Variants in CNTRL observed in about 807,000 individuals in gnomAD.
CNTRL encodes centriolin.
A neutral mutation model predicts 303.7 loss-of-function variants in CNTRL; 233 were observed. The ratio of observed to expected loss-of-function variants is 0.77; its 90% CI spans 0.69 to 0.86. The LOEUF (loss-of-function observed/expected upper bound fraction) is 0.86, where lower values mean the gene tolerates loss of function less well. Ranked by LOEUF, CNTRL falls within the 40% of genes least tolerant of loss-of-function variation. The probability of loss-of-function intolerance (pLI) is 0.00; values close to 1 mark genes in which losing one functional copy is unlikely to be tolerated. For synonymous variants in CNTRL, 900 were observed against 922.2 expected (o/e 0.98, Z 0.44); for missense variants, 2,524 against 2,650.6 (o/e 0.95, Z 1.05).
In CNTRL at chr9:121,088,504, G is replaced by C. The variant is rs751778364; in HGVS notation, c.178G>C (p.Asp60His). The change falls in exon 3 of 44, where the codon GAT becomes CAT. Residue 60 changes from aspartate (D) to histidine (H), a missense_variant. Transcript: ENST00000373855. ...GTGGTGTGAGCAAGTTGAGATTGCA[G>C]ATGAAAACAATATGCTTTTGGACTA... ...GQWCEQVEIADENNMLLDYQD... is the reference protein window; with the variant it reads ...GQWCEQVEIAHENNMLLDYQD... 1 of 1,611,810 alleles carries C rather than the reference G, an allele frequency of 6.2e-7. No individual in the cohort carries two copies. Among genetic ancestry groups the C allele is most frequent in the East Asian group, 2.2e-5 (1 of 44,832 alleles).
chr9:121,136,830 T>C (rs2051224121), intron 15 of CNTRL, among the ~76,000 whole-genome samples: 1 of 152,212 alleles, frequency 6.6e-6, no homozygotes, highest in African/African-American at 2.4e-5. Context: ...TGGTAAACTT[T>C]AGTCCAGCAA....
intron 10 of CNTRL, 97 bp downstream of exon 10, chr9:121,113,821 G>A: frequency 7.1e-6 from 5 of 701,832 alleles, no homozygotes; most frequent in Non-Finnish European, 1.1e-5. Flanking sequence ...TGAACATGTT[G>A]ATGGTATTGT....
At chr9:121,170,246 C>T (rs182268828) in intron 39 of CNTRL, among the ~76,000 whole-genome samples, 88 of 152,258 alleles carry the variant, frequency 5.8e-4, no homozygotes, top group African/African-American at 1.9e-3. Context: ...TGGGTTCAAG[C>T]GATTCTCATG....
At chr9:121,104,017 A>G (rs1318632239) in intron 7 of CNTRL, among the ~76,000 whole-genome samples, 1 of 152,226 alleles carries the variant, frequency 6.6e-6, no homozygotes. Context: ...CAGCCATCCC[A>G]TTACTGGGTA....
intron 11 of CNTRL, among the ~76,000 whole-genome samples, chr9:121,115,579 C>T (rs1408941870): frequency 2.0e-5 from 3 of 149,126 alleles, no homozygotes; most frequent in Non-Finnish European, 3.0e-5. Context: ...CAAACACAAG[C>T]CAAAAAAAAA....
chr9:121,097,783 G>A (rs1045903256), intron 6 of CNTRL, among the ~76,000 whole-genome samples: 4 of 152,148 alleles, frequency 2.6e-5, no homozygotes, highest in Non-Finnish European at 5.9e-5. Flanking sequence ...TTCTAATTTT[G>A]TATGATGTCC....
chr9:121,075,097 C>G (rs1044987822), intron 1 of CNTRL, 30 bp downstream of exon 1: 1 of 376,508 alleles, frequency 2.7e-6, no homozygotes, highest in Non-Finnish European at 5.4e-6. Context: ...GAGCCCGTTC[C>G]CCGGCATCCG....
chr9:121,130,209 C>T (rs1048955254), intron 14 of CNTRL, among the ~76,000 whole-genome samples: 4 of 152,138 alleles, frequency 2.6e-5, no homozygotes, highest in Admixed American at 2.6e-4. Context: ...GGAATGGTAC[C>T]AGCTCCTCTT....
rs1410086636 is a variant in CNTRL, at chr9:121,158,008, G to C, written c.4663G>C (p.Glu1555Gln). ...EELQKLQKDI[E>Q]MAERNEDHHL... ...GCTTCAGAAACTACAGAAAGACATA[G>C]AGATGGCAGAACGCAATGAGGATCA... The change falls in exon 30 of 44, where the codon GAG becomes CAG. Residue 1555 changes from glutamate to glutamine, a missense_variant. Glu to Gln is a conservative substitution (Grantham distance 29, BLOSUM62 2). Transcript: ENST00000373855. 1 of 1,613,984 alleles carries C rather than the reference G, an allele frequency of 6.2e-7. No homozygotes were observed. Among genetic ancestry groups the C allele is most frequent in the Non-Finnish European group, 8.5e-7 (1 of 1,180,028 alleles).
chr9:121,173,291 G>A lies in CNTRL; in HGVS notation c.6466G>A (p.Ala2156Thr). 1 of 1,613,826 alleles carries A rather than the reference G, an allele frequency of 6.2e-7. No individual in the cohort carries two copies. Among genetic ancestry groups the A allele is most frequent in the Non-Finnish European group, 8.5e-7 (1 of 1,179,862 alleles). ...GAGAAGACAAATGGAAATCAGTGAT[G>A]CAATGAGGACACTTAAATCTGAGGT... is the stretch of plus-strand genomic sequence containing the variant. ...LERRQMEISD[A>T]MRTLKSEVKD... The change falls in exon 41 of 44, where the codon GCA (alanine) becomes ACA (threonine). Residue 2156 changes from alanine (A) to threonine (T), a missense_variant. Coordinates refer to ENST00000373855, the MANE Select transcript of CNTRL (RefSeq NM_007018.6).
chr9:121,138,439 T>C, intron 15 of CNTRL, 106 bp from the exon 16 acceptor site: 1 of 1,173,816 alleles, frequency 8.5e-7, no homozygotes, highest in East Asian at 2.5e-5. Context: ...GTTGTAAAAC[T>C]ATAGCTAGCA....
At position 121,096,550 on chromosome 9, in the gene CNTRL, A is replaced by G; in HGVS notation, c.608A>G (p.Asn203Ser). 19 of 1,475,150 alleles carry G rather than the reference A, an allele frequency of 1.3e-5. No individual in the cohort carries two copies. The highest frequency in any genetic ancestry group is 1.5e-5 in the Non-Finnish European group (16 of 1,101,574). 91.4% of individuals were successfully genotyped at this position (1,475,150 alleles called of 1,614,324 possible). A position where few individuals can be genotyped will look rare whatever the true frequency, so the allele number is the denominator to read the frequency against. Residue 203 changes from asparagine to serine, a missense_variant, in exon 6 of 44, where the codon AAC becomes AGC. Physicochemically the swap from Asn to Ser is conservative, Grantham distance 46 (BLOSUM62 1). Coordinates refer to ENST00000373855, the MANE Select transcript of CNTRL (RefSeq NM_007018.6). The part of the protein sequence containing the change: ...KSLRVLNLKG[N>S]KISSLQDISK... ...TTGCGAGTCCTCAATTTGAAAGGCA[A>G]CAAGATATCATCGGTAAGTTATTCA...
At chr9:121,119,421 G>A (rs2050131202) in intron 12 of CNTRL, among the ~76,000 whole-genome samples, 1 of 150,704 alleles carries the variant, frequency 6.6e-6, no homozygotes, top group Admixed American at 6.6e-5. Context: ...TCAGCCTCCC[G>A]AGTAGCTGGG....
At chr9:121,144,198 TTGTC>T (rs1799612569) in intron 20 of CNTRL, 116 bp downstream of exon 20, 1 of 903,810 alleles carries the variant, frequency 1.1e-6, no homozygotes. Context: ...CACTGTAAAG[TTGTC>T]TGTTTTTCTT....
chr9:121,095,896 C>T (rs2048871791), intron 5 of CNTRL, among the ~76,000 whole-genome samples: 1 of 152,148 alleles, frequency 6.6e-6, no homozygotes, highest in Non-Finnish European at 1.5e-5. Flanking sequence ...CTTCATCAAT[C>T]AGAATTCATT....
At chr9:121,157,649 A>C in intron 28 of CNTRL, 49 bp downstream of exon 28, 1 of 1,605,508 alleles carries the variant, frequency 6.2e-7, no homozygotes, top group Middle Eastern at 1.7e-4. Context: ...ATGAATGAAA[A>C]GTTTGCTTCT....
At position 121,101,943 on chromosome 9, in the gene CNTRL, C is replaced by A. The variant is rs551756150; in HGVS notation, c.808+3371C>A. 2.0e-5 allele frequency among the ~76,000 whole-genome samples: 3 copies of A among 152,238 alleles called. No homozygotes were observed. In the South Asian group the frequency reaches 6.2e-4, roughly 32 times the overall value. ...CAACCCAAAAAAGTCCAGGATCAGA[C>A]GGAGTCACAGCTGAATTCTACCAGA... is the stretch of plus-strand genomic sequence containing the variant. On this transcript the variant is annotated intron_variant, in intron 7 of 43. Coordinates refer to ENST00000373855, the MANE Select transcript of CNTRL (RefSeq NM_007018.6).
Position 121,138,171 on chromosome 9 carries a change from C to T in CNTRL, c.2203-374C>T, listed in dbSNP as rs147165554. Among the ~76,000 whole-genome samples, 26 of 152,200 alleles carry T rather than the reference C, an allele frequency of 1.7e-4. 1 individual carries two copies. The East Asian group carries it at 5.0e-3, about 29-fold the overall frequency. ...GGTGTCTGCATTTTTAACAGACATACCTAGTGTTGATACAGTTTTTTTGAG... is the reference window on the plus strand; with the variant it reads ...GGTGTCTGCATTTTTAACAGACATATCTAGTGTTGATACAGTTTTTTTGAG... On this transcript the variant is annotated intron_variant, in intron 15 of 43. Coordinates refer to ENST00000373855, the MANE Select transcript of CNTRL (RefSeq NM_007018.6).
intron 2 of CNTRL, among the ~76,000 whole-genome samples, chr9:121,083,085 T>C (rs1409202404): frequency 6.6e-6 from 1 of 152,168 alleles, no homozygotes. Flanking sequence ...TGGAAGTTTC[T>C]TTCCCAGTTA....
Sources: allele counts gnomAD v4.1 joint callset (sites outside exome capture counted in the v4.1 genomes callset), GRCh38; gene constraint gnomAD v4.1.1; transcripts MANE v1.5; gene names NCBI Gene and HGNC (gene_info 2026-07-23, HGNC 2026-07-21).